AP3D1: variants seen among roughly 807,000 people sequenced by gnomAD.
AP3D1 encodes adaptor related protein complex 3 subunit delta 1.
In AP3D1, 51 loss-of-function variants were observed where a neutral mutation model predicts 147.6. The ratio of observed to expected loss-of-function variants is 0.35; its 90% CI spans 0.28 to 0.44. The LOEUF is 0.44. AP3D1 is among the 20% of genes least tolerant of loss of function. The pLI is 1.00. For missense variants in AP3D1, 1,421 were observed against 1,624.2 expected, an observed-to-expected ratio of 0.87 and a Z score of 2.15; for synonymous variants, 760 against 663.0, an observed-to-expected ratio of 1.15 and a Z score of -2.25.
chr19:2,142,365 G>C (rs1418633599), intron 1 of AP3D1, among the ~76,000 whole-genome samples: 1 of 152,102 alleles, frequency 6.6e-6, no homozygotes, highest in African/African-American at 2.4e-5. Flanking sequence ...GCCCAGGCTG[G>C]TCTTGAACTC....
At chr19:2,118,891 AGGT>A in intron 14 of AP3D1, 59 bp from the exon 15 acceptor site, 2 of 1,512,018 alleles carry the variant, frequency 1.3e-6, no homozygotes, top group African/African-American at 1.4e-5. Context: ...CCTCTCTAGC[AGGT>A]GAGGACCTAG....
Position 2,109,893 on chromosome 19 carries a change from C to T in AP3D1, c.3330G>A (p.Leu1110=). Residue 1110 remains leucine (L), a synonymous_variant, in exon 29 of 32, where the codon TTG becomes TTA. Transcript: ENST00000643116. ...CCCACCTGTAGCAGGGAGTGGTGAT[C>T]AAGTAGGAGCTGCAGCTGAAGTGCA... ...FRLHFSCSSY[L]ITTPCYSDAF... The T allele has an allele frequency of 6.2e-7, 1 of 1,613,520 alleles. No homozygotes were observed. Among genetic ancestry groups the T allele is most frequent in the Non-Finnish European group, 8.5e-7 (1 of 1,179,946 alleles).
At chr19:2,164,405 C>A in exon 1 of AP3D1, 1 of 514,492 alleles carries the variant, frequency 1.9e-6, no homozygotes, top group East Asian at 3.9e-5. Context: ...CGCTGCTCCA[C>A]CCCCGTTGCT....
intron 22 of AP3D1, among the ~76,000 whole-genome samples, chr19:2,113,650 G>A (rs1035543200): frequency 6.6e-6 from 1 of 152,252 alleles, no homozygotes; most frequent in African/African-American, 2.4e-5. Flanking sequence ...GTGGGTGTGT[G>A]CCATTCCAGT....
Position 2,116,734 on chromosome 19 carries a change from G to T in AP3D1, c.1872C>A (p.Asp624Glu). Residue 624 changes from aspartate to glutamate, a missense_variant, in exon 17 of 32, where the codon GAC becomes GAA. Asp to Glu is a conservative substitution (Grantham distance 45, BLOSUM62 2). Around this residue, in one of 6 missense-constraint regions of AP3D1, gnomAD observed 791 missense variants for 761.4 expected, o/e 1.04. Transcript: ENST00000643116. ...CCGAGAGTGGCTCATTGATCCAGGC[G>T]TCCAGGTCCAGGCTGCACCGGACAG... is the stretch of plus-strand genomic sequence containing the variant. ...KVPVPEGLDLDAWINEPLSDS... is the reference protein window; with the variant it reads ...KVPVPEGLDLEAWINEPLSDS... 1 of 1,610,328 alleles carries T rather than the reference G, an allele frequency of 6.2e-7. No individual in the cohort carries two copies.
intron 21 of AP3D1, among the ~76,000 whole-genome samples, 159 bp from the exon 22 acceptor site, chr19:2,114,461 G>A (rs2018382569): frequency 6.6e-6 from 1 of 152,114 alleles, no homozygotes; most frequent in South Asian, 2.1e-4. Flanking sequence ...ACAGCCTGCT[G>A]GAGGCTCTCA....
intron 5 of AP3D1, 108 bp downstream of exon 5, chr19:2,132,363 G>C (rs113343053): frequency 1.0e-6 from 1 of 998,574 alleles, no homozygotes; most frequent in Non-Finnish European, 1.5e-6. Context: ...GCCACGCACC[G>C]GGGACCCCGG....
At chr19:2,120,437 C>T (rs971541361) in intron 14 of AP3D1, among the ~76,000 whole-genome samples, 2 of 152,200 alleles carry the variant, frequency 1.3e-5, no homozygotes, top group Admixed American at 6.5e-5. Flanking sequence ...CAGGTGCCTC[C>T]CTGGGCCACC....
chr19:2,135,175 T>C (rs1276474835), intron 4 of AP3D1, among the ~76,000 whole-genome samples: 2 of 151,902 alleles, frequency 1.3e-5, no homozygotes, highest in African/African-American at 4.8e-5. Flanking sequence ...CACTCCAGCC[T>C]GGACGACAGA....
chr19:2,129,380 G>C lies in AP3D1; in HGVS notation c.670C>G (p.Leu224Val), dbSNP rs1430265834. The part of the protein sequence containing the change: ...NPKNYLSLAP[L>V]FFKLMTSSTN... Reference sequence around the variant, plus strand: ...GAGGACGTCATCAGCTTGAAAAAGAGCGGGGCCAGGGACAGGTAGTTCTTA... The same window carrying C: ...GAGGACGTCATCAGCTTGAAAAAGACCGGGGCCAGGGACAGGTAGTTCTTA... The change falls in exon 7 of 32, where the codon CTC becomes GTC. Residue 224 changes from leucine to valine, a missense_variant. Leu to Val is a conservative substitution (Grantham distance 32, BLOSUM62 1). This residue lies in a region of AP3D1 where 292 missense variants were observed against 412.0 expected (regional missense o/e 0.71). Transcript: ENST00000643116. The C allele has an allele frequency of 6.2e-7, 1 of 1,614,016 alleles. No homozygotes were observed. The highest frequency in any genetic ancestry group is 1.3e-5 in the African/African-American group (1 of 74,920).
intron 1 of AP3D1, 46 bp downstream of exon 1, chr19:2,151,193 C>T (rs1157882597): frequency 1.3e-6 from 2 of 1,569,878 alleles, no homozygotes; most frequent in Non-Finnish European, 8.7e-7. Context: ...GGCCCTGGGC[C>T]GGGGCTGTGA....
intron 9 of AP3D1, among the ~76,000 whole-genome samples, chr19:2,126,562 G>A (rs1467449366): frequency 1.3e-5 from 2 of 150,870 alleles, no homozygotes; most frequent in Non-Finnish European, 2.9e-5. Flanking sequence ...GCTGAGGTAG[G>A]AGAATGGCGT....
intron 22 of AP3D1, among the ~76,000 whole-genome samples, chr19:2,113,673 C>G (rs1277491457): frequency 1.3e-5 from 2 of 152,182 alleles, no homozygotes; most frequent in Non-Finnish European, 2.9e-5. Flanking sequence ...TCAGAAGGCC[C>G]GTGGCGGCCC....
rs978443590 is a variant in AP3D1 at position 2,129,358 on chromosome 19, G to A, written c.692C>T (p.Ser231Phe). ...GATGAGGACCCAGTTGTTGGTGGAGGACGTCATCAGCTTGAAAAAGAGCGG... is the reference window on the plus strand; with the variant it reads ...GATGAGGACCCAGTTGTTGGTGGAGAACGTCATCAGCTTGAAAAAGAGCGG... ...LAPLFFKLMTSSTNNWVLIKI... is the reference protein window; with the variant it reads ...LAPLFFKLMTFSTNNWVLIKI... The change falls in exon 7 of 32, where the codon TCC (serine) becomes TTC (phenylalanine). Residue 231 changes from serine (S) to phenylalanine (F), a missense_variant. Physicochemically the swap from Ser to Phe is radical, Grantham distance 155. Transcript: ENST00000643116. 6.2e-7 allele frequency: 1 copy of A among 1,614,074 alleles called. No homozygotes were observed. The highest frequency in any genetic ancestry group is 8.5e-7 in the Non-Finnish European group (1 of 1,180,008).
rs373328748 is a variant in AP3D1, at chr19:2,115,434, G to A, written c.2150-16C>T. The stretch of plus-strand genomic sequence containing the variant: ...ATAGGCAGCCCTGCGGGCCGGCAGC[G>A]GGCAGCCACTCAGCACTGCACCCCA... On this transcript the variant is annotated splice_polypyrimidine_tract_variant and intron_variant, in intron 19 of 31. Coordinates refer to ENST00000643116, the MANE Select transcript of AP3D1 (RefSeq NM_001261826.3). The A allele has an allele frequency of 9.9e-5, 159 of 1,607,906 alleles. No individual in the cohort carries two copies. Among genetic ancestry groups the A allele is most frequent in the African/African-American group, 3.2e-4 (24 of 74,894 alleles).
intron 31 of AP3D1, among the ~76,000 whole-genome samples, chr19:2,106,335 G>A (rs1434165107): frequency 6.6e-6 from 1 of 151,984 alleles, no homozygotes; most frequent in Non-Finnish European, 1.5e-5. Context: ...GATCACCCGG[G>A]GTCAGGAGTT....
At chr19:2,105,285 A>T (rs893421532) in intron 31 of AP3D1, among the ~76,000 whole-genome samples, 7 of 152,150 alleles carry the variant, frequency 4.6e-5, no homozygotes, top group Non-Finnish European at 8.8e-5. Flanking sequence ...GCCATAAACA[A>T]AATCTCTGCA....
intron 31 of AP3D1, among the ~76,000 whole-genome samples, chr19:2,103,473 A>ACCAAAG (rs113297593): frequency 6.6e-6 from 1 of 152,052 alleles, no homozygotes; most frequent in Non-Finnish European, 1.5e-5. Context: ...GAGTGGGGTA[A>ACCAAAG]CCAGAGCCCC....
chr19:2,124,340 A>G (rs886508413), intron 9 of AP3D1, among the ~76,000 whole-genome samples: 1 of 152,248 alleles, frequency 6.6e-6, no homozygotes, highest in African/African-American at 2.4e-5. Context: ...AGAAGGCTCT[A>G]GAAGCTGGGC....
Sources: allele counts gnomAD v4.1 joint callset (sites outside exome capture counted in the v4.1 genomes callset), GRCh38; gene constraint gnomAD v4.1.1; regional missense constraint gnomAD v4.1.1; transcripts MANE v1.5; gene names NCBI Gene and HGNC (gene_info 2026-07-23, HGNC 2026-07-21).